Variants in MAN1A1 observed in about 807,000 individuals in gnomAD.
The protein encoded by MAN1A1 is mannosyl-oligosaccharide 1,2-alpha-mannosidase IA.
Under a neutral mutation model 70.8 loss-of-function variants are expected in MAN1A1, and 29 were observed. That is an observed-to-expected ratio of 0.41 (90% CI 0.31 to 0.56). The LOEUF (loss-of-function observed/expected upper bound fraction) is 0.56, where lower values mean the gene tolerates loss of function less well. Among genes scored for constraint, MAN1A1 ranks in the 20% least tolerant of loss-of-function variants. MAN1A1 has a pLI of 0.29. For synonymous variants in MAN1A1, 349 were observed against 330.1 expected (o/e 1.06, Z -0.62); for missense variants, 747 against 841.3 (o/e 0.89, Z 1.39).
chr6:119,264,379 C>G (rs1469833433), intron 5 of MAN1A1, among the ~76,000 whole-genome samples: 4 of 152,184 alleles, frequency 2.6e-5, no homozygotes, highest in Non-Finnish European at 5.9e-5. Context: ...AATACAAGTA[C>G]TGTATTGTTC....
At chr6:119,267,873 T>C (rs1329998627) in intron 5 of MAN1A1, among the ~76,000 whole-genome samples, 1 of 152,242 alleles carries the variant, frequency 6.6e-6, no homozygotes, top group Non-Finnish European at 1.5e-5. Context: ...ATAATTTATG[T>C]GGACAAATCT....
chr6:119,348,781 C>T lies in MAN1A1; in HGVS notation c.285G>A (p.Glu95=). 7.0e-7 allele frequency: 1 copy of T among 1,421,704 alleles called. No homozygotes were observed. Among genetic ancestry groups the T allele is most frequent in the Non-Finnish European group, 9.2e-7 (1 of 1,087,890 alleles). 88.1% of individuals were successfully genotyped at this position (1,421,704 alleles called of 1,614,324 possible). ...GCCGGGCTCGCCCCTCGGCCGCGTCCTCGGCGCGCGCCCCGGGCCCGGGCT... is the reference window on the plus strand; with the variant it reads ...GCCGGGCTCGCCCCTCGGCCGCGTCTTCGGCGCGCGCCCCGGGCCCGGGCT... ...DHKPGPGARA[E]DAAEGRARRR... The change falls in exon 2 of 13, where the codon GAG becomes GAA. Residue 95 remains glutamate (E), a synonymous_variant. Transcript: ENST00000368468.
At chr6:119,288,335 A>T (rs1776434337) in intron 5 of MAN1A1, among the ~76,000 whole-genome samples, 1 of 152,006 alleles carries the variant, frequency 6.6e-6, no homozygotes, top group African/African-American at 2.4e-5. Context: ...TAGAAAGACA[A>T]ATTGTCCTAG....
At chr6:119,240,756 G>A (rs1774982668) in intron 6 of MAN1A1, among the ~76,000 whole-genome samples, 1 of 152,184 alleles carries the variant, frequency 6.6e-6, no homozygotes, top group Admixed American at 6.5e-5. Context: ...TATACACAAA[G>A]TACATTTAAA....
chr6:119,256,791 G>A (rs766791874), intron 5 of MAN1A1, among the ~76,000 whole-genome samples: 17 of 152,078 alleles, frequency 1.1e-4, no homozygotes, highest in Non-Finnish European at 8.8e-5. Context: ...CCTGAGGAAC[G>A]TTTCTGCTCC....
intron 6 of MAN1A1, among the ~76,000 whole-genome samples, chr6:119,228,343 A>C (rs1774577694): frequency 6.6e-6 from 1 of 152,232 alleles, no homozygotes; most frequent in South Asian, 2.1e-4. Context: ...ACAAATGATC[A>C]TAATGCAAAT....
At chr6:119,204,364 G>C (rs1249670234) in intron 7 of MAN1A1, among the ~76,000 whole-genome samples, 1 of 152,170 alleles carries the variant, frequency 6.6e-6, no homozygotes, top group African/African-American at 2.4e-5. Context: ...CAAATATTTG[G>C]TTTGCTTTCG....
chr6:119,187,999 C>T (rs1773339984), intron 11 of MAN1A1, among the ~76,000 whole-genome samples: 1 of 152,124 alleles, frequency 6.6e-6, no homozygotes, highest in Admixed American at 6.6e-5. Context: ...GCTATTTACT[C>T]TAAGTAAAAG....
intron 6 of MAN1A1, among the ~76,000 whole-genome samples, chr6:119,246,543 C>T (rs1042286464): frequency 1.3e-5 from 2 of 152,024 alleles, no homozygotes; most frequent in African/African-American, 2.4e-5. Context: ...AGACAAACCT[C>T]GAGTAGCTGT....
chr6:119,255,856 C>T (rs1489126962), intron 5 of MAN1A1, among the ~76,000 whole-genome samples: 3 of 151,956 alleles, frequency 2.0e-5, no homozygotes, highest in East Asian at 1.9e-4. Flanking sequence ...AACCTAAAAC[C>T]GAAGTTTTAA....
At chr6:119,291,115 G>A (rs776482638) in intron 4 of MAN1A1, among the ~76,000 whole-genome samples, 10 of 151,920 alleles carry the variant, frequency 6.6e-5, no homozygotes, top group East Asian at 3.9e-4. Flanking sequence ...GGATGGACCC[G>A]GTGGGAGATA....
chr6:119,237,858 A>AT, intron 6 of MAN1A1, among the ~76,000 whole-genome samples: 1 of 152,202 alleles, frequency 6.6e-6, no homozygotes, highest in Admixed American at 6.5e-5. Context: ...TTTTTTTTAA[A>AT]TAAAAAAAGA....
Position 119,344,935 on chromosome 6 carries a change from G to T in MAN1A1, c.603+3528C>A, listed in dbSNP as rs1773686655. Among the ~76,000 whole-genome samples the T allele has an allele frequency of 2.6e-5, 4 of 152,262 alleles. No individual in the cohort carries two copies. In the South Asian group the frequency reaches 8.3e-4, roughly 32 times the overall value. On this transcript the variant is annotated intron_variant, in intron 2 of 12. Transcript: ENST00000368468. ...AGAAAACTGTGACCCCACAGGTGCA[G>T]GGTCCTAAAGCCTTACATGACAAAT...
chr6:119,239,867 T>C (rs1459862140), intron 6 of MAN1A1, among the ~76,000 whole-genome samples: 1 of 152,208 alleles, frequency 6.6e-6, no homozygotes, highest in Non-Finnish European at 1.5e-5. Flanking sequence ...ATCTAAGTTC[T>C]GTACACAGCA....
At chr6:119,277,689 C>A (rs1776106112) in intron 5 of MAN1A1, among the ~76,000 whole-genome samples, 1 of 151,788 alleles carries the variant, frequency 6.6e-6, no homozygotes, top group Non-Finnish European at 1.5e-5. Context: ...GTAATCCCGG[C>A]ACTTTGGGAG....
At chr6:119,282,302 T>G (rs1776244143) in intron 5 of MAN1A1, among the ~76,000 whole-genome samples, 1 of 152,098 alleles carries the variant, frequency 6.6e-6, no homozygotes, top group Non-Finnish European at 1.5e-5. Context: ...CAAAAACAAT[T>G]ATCAGTACAA....
chr6:119,251,327 A>C (rs1775311865), intron 5 of MAN1A1, among the ~76,000 whole-genome samples: 1 of 152,142 alleles, frequency 6.6e-6, no homozygotes, highest in South Asian at 2.1e-4. Context: ...CAGACCCTTC[A>C]ATTATTTTCT....
intron 8 of MAN1A1, among the ~76,000 whole-genome samples, chr6:119,194,318 T>C (rs1256324097): frequency 6.6e-6 from 1 of 152,112 alleles, no homozygotes; most frequent in African/African-American, 2.4e-5. Flanking sequence ...AACAAGAAGC[T>C]CCTCAGGTTC....
rs79814289 is a variant in MAN1A1, at chr6:119,321,764, T to C, written c.604-14772A>G. ...TCCCAAGTAGGTGGGACTACAGGCA[T>C]GTACCACCATGCCTCGCTAATTTTT... On this transcript the variant is annotated intron_variant, in intron 2 of 12. Transcript: ENST00000368468. 5.9e-3 allele frequency among the ~76,000 whole-genome samples: 895 copies of C among 151,978 alleles called. 31 individuals are homozygous for C. The East Asian group carries it at 0.09, about 15-fold the overall frequency.
Sources: allele counts gnomAD v4.1 joint callset (sites outside exome capture counted in the v4.1 genomes callset), GRCh38; gene constraint gnomAD v4.1.1; transcripts MANE v1.5; gene names NCBI Gene and HGNC (gene_info 2026-07-23, HGNC 2026-07-21).